Variants in SCFD2 observed in about 807,000 individuals in gnomAD.
SCFD2 encodes the protein sec1 family domain containing 2.
In SCFD2, 54 loss-of-function variants were observed where a neutral mutation model predicts 58.9. The observed-to-expected ratio is 0.92, with a 90% CI of 0.74 to 1.15. SCFD2 has a LOEUF of 1.15. Among genes scored for constraint, SCFD2 ranks in the 50% most tolerant of loss-of-function variants. SCFD2 has a pLI of 0.00. For missense variants in SCFD2, 805 were observed against 836.6 expected (o/e 0.96, Z 0.47); for synonymous variants, 321 against 335.9 (o/e 0.96, Z 0.49).
intron 3 of SCFD2, among the ~76,000 whole-genome samples, chr4:53,283,836 G>A (rs1339542235): frequency 6.6e-6 from 1 of 151,934 alleles, no homozygotes; most frequent in Non-Finnish European, 1.5e-5. Context: ...TATGCATGTA[G>A]GCCAGGCACG....
At chr4:53,016,860 G>T (rs1577661894) in intron 5 of SCFD2, among the ~76,000 whole-genome samples, 1 of 152,296 alleles carries the variant, frequency 6.6e-6, no homozygotes, top group East Asian at 1.9e-4. Flanking sequence ...TGTAATCCCA[G>T]CACTTTGGGA....
At chr4:53,243,095 G>C (rs987502504) in intron 4 of SCFD2, among the ~76,000 whole-genome samples, 4 of 152,158 alleles carry the variant, frequency 2.6e-5, no homozygotes, top group Non-Finnish European at 4.4e-5. Context: ...AACCTTGCTA[G>C]AGAGGCCAAC....
At chr4:52,931,693 T>C (rs301120) in intron 5 of SCFD2, among the ~76,000 whole-genome samples, 30,488 of 152,126 alleles carry the variant, frequency 0.2, 4,023 homozygotes, top group African/African-American at 0.37. Flanking sequence ...AAATAGTATT[T>C]CCCCAGTGTA....
intron 5 of SCFD2, among the ~76,000 whole-genome samples, chr4:52,973,079 T>C (rs1374004078): frequency 6.6e-6 from 1 of 152,088 alleles, no homozygotes; most frequent in Non-Finnish European, 1.5e-5. Context: ...AGATCTAAAA[T>C]TGACACCCTA....
At chr4:52,912,378 A>G (rs772204082) in intron 6 of SCFD2, among the ~76,000 whole-genome samples, 31 of 152,204 alleles carry the variant, frequency 2.0e-4, no homozygotes, top group Non-Finnish European at 8.8e-5. Context: ...AAGGCAGAAA[A>G]AAATTACCTT....
chr4:53,333,550 T>C (rs1220338852), intron 2 of SCFD2, among the ~76,000 whole-genome samples: 1 of 151,558 alleles, frequency 6.6e-6, no homozygotes, highest in Non-Finnish European at 1.5e-5. Context: ...TAGCCATATG[T>C]AGAAAGCTGA....
At chr4:53,330,981 G>C (rs982699043) in intron 2 of SCFD2, among the ~76,000 whole-genome samples, 5 of 151,002 alleles carry the variant, frequency 3.3e-5, no homozygotes, top group African/African-American at 9.7e-5. Context: ...AACCAACAAA[G>C]ATCAAAAGAG....
At chr4:52,884,059 T>G (rs982199344) in intron 8 of SCFD2, among the ~76,000 whole-genome samples, 4 of 152,138 alleles carry the variant, frequency 2.6e-5, no homozygotes, top group Admixed American at 6.6e-5. Context: ...TTGGAGTCAA[T>G]AAACCCCTCA....
At chr4:53,289,399 G>C (rs1842658) in intron 3 of SCFD2, among the ~76,000 whole-genome samples, 89,159 of 151,866 alleles carry the variant, frequency 0.59, 26,353 homozygotes, top group Middle Eastern at 0.66. Flanking sequence ...CAAAAAAAAT[G>C]GTCTTATTAT....
chr4:52,933,202 G>A (rs1017746117), intron 5 of SCFD2, among the ~76,000 whole-genome samples: 1 of 152,128 alleles, frequency 6.6e-6, no homozygotes, highest in African/African-American at 2.4e-5. Context: ...GGAAGCAGCA[G>A]CTCTCTCTGT....
At chr4:53,013,399 C>T (rs1207028717) in intron 5 of SCFD2, among the ~76,000 whole-genome samples, 8 of 152,166 alleles carry the variant, frequency 5.3e-5, no homozygotes, top group Non-Finnish European at 8.8e-5. Flanking sequence ...TAAATGTCAC[C>T]TTGTACCCTT....
intron 4 of SCFD2, among the ~76,000 whole-genome samples, chr4:53,241,294 G>T (rs1729884688): frequency 6.6e-6 from 1 of 152,184 alleles, no homozygotes; most frequent in Non-Finnish European, 1.5e-5. Flanking sequence ...AGCATGGACA[G>T]AGATACCCAT....
chr4:53,027,743 G>A (rs1442068107), intron 5 of SCFD2, among the ~76,000 whole-genome samples: 1 of 151,832 alleles, frequency 6.6e-6, no homozygotes, highest in Non-Finnish European at 1.5e-5. Context: ...TGGGAGGATC[G>A]CTTGAGCCCA....
At chr4:53,085,580 T>C (rs1724280573) in intron 5 of SCFD2, among the ~76,000 whole-genome samples, 1 of 152,144 alleles carries the variant, frequency 6.6e-6, no homozygotes, top group South Asian at 2.1e-4. Context: ...TAGCCAAAGC[T>C]ATTCTGTGCA....
At chr4:53,131,311 A>C (rs909184804) in intron 5 of SCFD2, among the ~76,000 whole-genome samples, 2 of 152,224 alleles carry the variant, frequency 1.3e-5, no homozygotes, top group African/African-American at 4.8e-5. Flanking sequence ...GCAACGAGTC[A>C]GAGATGTCAG....
intron 5 of SCFD2, among the ~76,000 whole-genome samples, chr4:53,050,520 C>G (rs1723160560): frequency 6.6e-6 from 1 of 152,132 alleles, no homozygotes; most frequent in African/African-American, 2.4e-5. Flanking sequence ...TTACAGCCAT[C>G]CCCTTGAAGC....
intron 2 of SCFD2, among the ~76,000 whole-genome samples, chr4:53,323,257 C>A (rs191727928): frequency 6.6e-6 from 1 of 152,342 alleles, no homozygotes; most frequent in Admixed American, 6.5e-5. Context: ...TATTAACTAT[C>A]TTAACTCCCA....
intron 7 of SCFD2, among the ~76,000 whole-genome samples, chr4:52,899,068 A>T (rs1448026196): frequency 6.6e-6 from 1 of 152,116 alleles, no homozygotes; most frequent in Non-Finnish European, 1.5e-5. Flanking sequence ...GGGTTTCCTG[A>T]ATACAGCACA....
At chr4:53,046,580 T>C in intron 5 of SCFD2, among the ~76,000 whole-genome samples, 1 of 151,998 alleles carries the variant, frequency 6.6e-6, no homozygotes, top group African/African-American at 2.4e-5. Flanking sequence ...TAAAGTAAGA[T>C]ATGCTCTGGA....
Sources: gnomAD v4.1 joint callset for allele counts (sites outside exome capture counted in the v4.1 genomes callset) on GRCh38, gnomAD v4.1.1 for gene constraint, MANE v1.5 for transcripts, NCBI Gene and HGNC (gene_info 2026-07-23, HGNC 2026-07-21) for gene names.